SATL1: variants seen among roughly 807,000 people sequenced by gnomAD.
SATL1 encodes spermidine/spermine N(1)-acetyltransferase-like protein 1.
A neutral mutation model predicts 51.8 loss-of-function variants in SATL1; 47 were observed. The observed-to-expected ratio is 0.91, with a 90% CI of 0.72 to 1.16. The LOEUF (loss-of-function observed/expected upper bound fraction) is 1.16. Among genes scored for constraint, SATL1 ranks in the 50% most tolerant of loss-of-function variants. The pLI is 0.00. For synonymous variants in SATL1, 176 were observed against 182.4 expected (o/e 0.97, Z 0.28); for missense variants, 520 against 526.4 (o/e 0.99, Z 0.12).
intron 1 of SATL1, among the ~76,000 whole-genome samples, chrX:85,226,725 A>G (rs961544357): frequency 9.0e-6 from 1 of 110,891 alleles, no homozygotes; most frequent in Non-Finnish European, 1.9e-5. Context: ...TCTCTTCCAG[A>G]GAGCTATCCA....
intron 2 of SATL1, among the ~76,000 whole-genome samples, chrX:85,134,185 A>AGT (rs753121725): frequency 4.6e-5 from 5 of 108,297 alleles, no homozygotes; most frequent in East Asian, 2.9e-4. Flanking sequence ...GTGTGTGTAT[A>AGT]GTGTGTGTGT....
intron 2 of SATL1, among the ~76,000 whole-genome samples, chrX:85,202,654 T>C (rs1330775766): frequency 8.9e-6 from 1 of 112,060 alleles, no homozygotes; most frequent in Non-Finnish European, 1.9e-5. Flanking sequence ...CTTCAATCCA[T>C]AGCGATGCAG....
chrX:85,156,318 C>T (rs1330409066), intron 2 of SATL1: 1 of 111,239 alleles, frequency 9.0e-6, no homozygotes, highest in Non-Finnish European at 1.9e-5. Context: ...TCAAATGTGC[C>T]AGAGAACAGA....
chrX:85,200,783 A>G (rs1359389072), intron 2 of SATL1, among the ~76,000 whole-genome samples: 2 of 111,310 alleles, frequency 1.8e-5, no homozygotes, highest in Non-Finnish European at 3.8e-5. Context: ...ATTTATTTAC[A>G]TTAAAAGTTT....
chrX:85,174,989 TAC>T (rs1203389850), intron 2 of SATL1, among the ~76,000 whole-genome samples: 1 of 111,810 alleles, frequency 8.9e-6, no homozygotes, highest in African/African-American at 3.2e-5. Context: ...CAGAATTTAG[TAC>T]ACTGTAAGTG....
intron 2 of SATL1, among the ~76,000 whole-genome samples, chrX:85,147,938 C>G (rs898853822): frequency 8.9e-6 from 1 of 111,828 alleles, no homozygotes; most frequent in Non-Finnish European, 1.9e-5. Flanking sequence ...CAAAGGAACG[C>G]AGATCCTCAC....
chrX:85,119,668 C>T (rs1163966058), intron 2 of SATL1, among the ~76,000 whole-genome samples: 1 of 110,581 alleles, frequency 9.0e-6, no homozygotes, highest in East Asian at 2.8e-4. Context: ...ATTTAAGATG[C>T]TTAAATACCT....
chrX:85,136,313 A>G (rs919548195), intron 2 of SATL1, among the ~76,000 whole-genome samples: 16 of 111,875 alleles, frequency 1.4e-4, no homozygotes, highest in Admixed American at 2.9e-4. Context: ...ATATTTTTAT[A>G]GAGTATAGAT....
chrX:85,122,231 T>G (rs1487547285), intron 2 of SATL1, among the ~76,000 whole-genome samples: 1 of 111,356 alleles, frequency 9.0e-6, no homozygotes, highest in Non-Finnish European at 1.9e-5. Context: ...ACGTCTTCCC[T>G]GACATCCTTT....
chrX:85,150,945 A>C (rs927357717), intron 2 of SATL1, among the ~76,000 whole-genome samples: 1 of 111,344 alleles, frequency 9.0e-6, no homozygotes, highest in African/African-American at 3.3e-5. Flanking sequence ...TATTCAACAC[A>C]GTGTTGGAAG....
intron 2 of SATL1, chrX:85,209,274 T>C (rs1385038166): frequency 8.9e-6 from 1 of 112,130 alleles, no homozygotes; most frequent in African/African-American, 3.2e-5. Context: ...TTTTGGTTAC[T>C]GAAGCCTTGT....
chrX:85,165,264 G>A (rs181590357), intron 2 of SATL1, among the ~76,000 whole-genome samples: 186 of 110,595 alleles, frequency 1.7e-3, no homozygotes, highest in African/African-American at 5.5e-3. Flanking sequence ...TGTCTTGGTC[G>A]GATTAGGTTA....
intron 2 of SATL1, among the ~76,000 whole-genome samples, chrX:85,151,422 C>A (rs1926434586): frequency 1.8e-5 from 2 of 111,458 alleles, no homozygotes; most frequent in African/African-American, 6.5e-5. Context: ...ATGCCATTCC[C>A]ATCAACCTAC....
intron 2 of SATL1, among the ~76,000 whole-genome samples, chrX:85,201,670 T>C (rs1462025820): frequency 2.7e-5 from 3 of 111,478 alleles, no homozygotes; most frequent in African/African-American, 9.8e-5. Context: ...TTTGTGTTCA[T>C]AAATTTTTAT....
intron 2 of SATL1, among the ~76,000 whole-genome samples, chrX:85,198,129 C>T (rs751400021): frequency 9.0e-6 from 1 of 111,437 alleles, no homozygotes; most frequent in South Asian, 3.7e-4. Context: ...ATAATGTCCT[C>T]CGGTTTCGTC....
At chrX:85,135,013 T>A (rs1021865267) in intron 2 of SATL1, among the ~76,000 whole-genome samples, 3 of 112,148 alleles carry the variant, frequency 2.7e-5, no homozygotes, top group Non-Finnish European at 5.6e-5. Flanking sequence ...AACAAGATCA[T>A]GTCCTTTGCA....
chrX:85,104,435 T>G (rs753148502), intron 3 of SATL1, among the ~76,000 whole-genome samples: 15 of 108,000 alleles, frequency 1.4e-4, no homozygotes, highest in African/African-American at 5.0e-4. Flanking sequence ...TATTCACTCG[T>G]TTTCTTTTTA....
chrX:85,144,920 C>G (rs1926193923), intron 2 of SATL1, among the ~76,000 whole-genome samples: 1 of 110,115 alleles, frequency 9.1e-6, no homozygotes, highest in Admixed American at 9.7e-5. Flanking sequence ...AACTATAATC[C>G]CAGGTACTTG....
At chrX:85,198,577 A>G (rs1159674559) in intron 2 of SATL1, among the ~76,000 whole-genome samples, 1 of 111,348 alleles carries the variant, frequency 9.0e-6, no homozygotes, top group Non-Finnish European at 1.9e-5. Flanking sequence ...CTGATGGTCA[A>G]TGATGTTGAG....
Sources: gnomAD v4.1 joint callset for allele counts (sites outside exome capture counted in the v4.1 genomes callset) on GRCh38, gnomAD v4.1.1 for gene constraint, MANE v1.5 for transcripts, NCBI Gene and HGNC (gene_info 2026-07-23, HGNC 2026-07-21) for gene names.